The following SHANK2 variants were observed in gnomAD, a reference collection of about 807,000 sequenced individuals.
The protein encoded by SHANK2 is SH3 and multiple ankyrin repeat domains protein 2.
A neutral mutation model predicts 133.7 loss-of-function variants in SHANK2; 43 were observed. That is an observed-to-expected ratio of 0.32 (90% CI 0.25 to 0.41). SHANK2 has a LOEUF of 0.41. SHANK2 is among the 10% of genes least tolerant of loss of function. The probability of loss-of-function intolerance (pLI) is 1.00; values close to 1 mark genes in which losing one functional copy is unlikely to be tolerated. For missense variants in SHANK2, 1,994 were observed against 2,235.8 expected (o/e 0.89, Z 2.18); for synonymous variants, 1,017 against 952.8 (o/e 1.07, Z -1.24).
intron 2 of SHANK2, among the ~76,000 whole-genome samples, chr11:71,209,970 G>T (rs553448234): frequency 6.6e-6 from 1 of 150,922 alleles, no homozygotes; most frequent in South Asian, 2.1e-4. Flanking sequence ...CCGAGGATTC[G>T]ACACAGGACG....
chr11:71,063,290 G>A (rs1384794887), intron 9 of SHANK2, among the ~76,000 whole-genome samples: 6 of 152,092 alleles, frequency 3.9e-5, no homozygotes, highest in Admixed American at 2.6e-4. Flanking sequence ...TCATACCTCC[G>A]ACCCATTACC....
At chr11:70,541,356 G>T (rs1565113237) in intron 17 of SHANK2, among the ~76,000 whole-genome samples, 1 of 152,218 alleles carries the variant, frequency 6.6e-6, no homozygotes, top group Non-Finnish European at 1.5e-5. Context: ...ATAGCCACCG[G>T]CCCCCCACCA....
intron 10 of SHANK2, among the ~76,000 whole-genome samples, chr11:70,918,607 G>A (rs2135751731): frequency 6.6e-6 from 1 of 152,250 alleles, no homozygotes; most frequent in Middle Eastern, 3.4e-3. Context: ...CTGGGTTCAA[G>A]TGATTCTCCG....
At chr11:70,493,481 T>C (rs1482413917) in intron 21 of SHANK2, among the ~76,000 whole-genome samples, 5 of 148,384 alleles carry the variant, frequency 3.4e-5, no homozygotes, top group Non-Finnish European at 7.5e-5. Flanking sequence ...TTTTTTTTTT[T>C]ACTTGAAAAC....
At chr11:70,656,218 T>C (rs1473958919) in intron 17 of SHANK2, among the ~76,000 whole-genome samples, 4 of 152,216 alleles carry the variant, frequency 2.6e-5, no homozygotes, top group Non-Finnish European at 5.9e-5. Context: ...CAAACTCTTA[T>C]GGCAGGCTCA....
chr11:70,551,510 C>T (rs1323243259), intron 17 of SHANK2, among the ~76,000 whole-genome samples: 4 of 152,348 alleles, frequency 2.6e-5, no homozygotes, highest in Admixed American at 1.3e-4. Flanking sequence ...GTTATCTACC[C>T]CCGGCCTCGG....
At chr11:70,584,485 C>T (rs554998569) in intron 17 of SHANK2, among the ~76,000 whole-genome samples, 5 of 152,232 alleles carry the variant, frequency 3.3e-5, no homozygotes, top group African/African-American at 7.2e-5. Flanking sequence ...CTCCTCTATC[C>T]GGGTCCCATG....
chr11:70,913,411 G>C (rs969505904), intron 10 of SHANK2, among the ~76,000 whole-genome samples: 1 of 151,610 alleles, frequency 6.6e-6, no homozygotes, highest in Non-Finnish European at 1.5e-5. Context: ...CAATTCCTCC[G>C]GGAACAAAAA....
At chr11:70,815,809 ACT>A (rs1422170587) in intron 12 of SHANK2, among the ~76,000 whole-genome samples, 5 of 152,142 alleles carry the variant, frequency 3.3e-5, no homozygotes, top group African/African-American at 1.2e-4. Flanking sequence ...TTCTGACCAC[ACT>A]GCCACGCCCA....
chr11:70,836,721 C>T (rs1948823722), intron 11 of SHANK2, among the ~76,000 whole-genome samples: 1 of 152,234 alleles, frequency 6.6e-6, no homozygotes, highest in South Asian at 2.1e-4. Context: ...CTAGGCCCAC[C>T]CAGCAGCTCC....
At chr11:71,094,169 G>T (rs1322387781) in intron 7 of SHANK2, among the ~76,000 whole-genome samples, 1 of 152,106 alleles carries the variant, frequency 6.6e-6, no homozygotes, top group Non-Finnish European at 1.5e-5. Flanking sequence ...CGGATTCTCA[G>T]GAATGGCTTA....
chr11:71,094,885 A>C (rs984913536), intron 6 of SHANK2, among the ~76,000 whole-genome samples, 197 bp from the exon 7 acceptor site: 16 of 152,238 alleles, frequency 1.1e-4, no homozygotes, highest in Admixed American at 4.6e-4. Context: ...CGATGCAGTG[A>C]CACGCAGGGC....
rs958064174 is a variant in SHANK2, at chr11:71,215,410, G to C, written c.-13+9287C>G. 2.6e-5 allele frequency among the ~76,000 whole-genome samples: 4 copies of C among 152,156 alleles called. No individual in the cohort carries two copies. In the South Asian group the frequency reaches 8.3e-4, roughly 32 times the overall value. On this transcript the variant is annotated intron_variant, in intron 2 of 25. Transcript: ENST00000601538. The stretch of plus-strand genomic sequence containing the variant: ...TCCCATGAAGCCTTCAGCAGGTTCT[G>C]CCCTGGTCACCCCTGGCTGCCCATC...
At chr11:70,475,700 TG>T (rs1323438058) in intron 25 of SHANK2, among the ~76,000 whole-genome samples, 1 of 152,202 alleles carries the variant, frequency 6.6e-6, no homozygotes, top group Non-Finnish European at 1.5e-5. Context: ...GTGGGTGCAC[TG>T]CTGGGCCAGG....
intron 8 of SHANK2, among the ~76,000 whole-genome samples, chr11:71,091,517 C>A (rs1951519369): frequency 6.6e-6 from 1 of 152,102 alleles, no homozygotes; most frequent in African/African-American, 2.4e-5. Context: ...CAGTCAGGGC[C>A]CTCTGTCCTT....
chr11:71,093,351 GC>G (rs1951551907), intron 7 of SHANK2, among the ~76,000 whole-genome samples: 1 of 152,168 alleles, frequency 6.6e-6, no homozygotes, highest in Admixed American at 6.5e-5. Flanking sequence ...CTTCAAGAAT[GC>G]TCCTGATTTC....
chr11:70,617,119 CTG>C (rs1348682281), intron 17 of SHANK2, among the ~76,000 whole-genome samples: 6 of 151,158 alleles, frequency 4.0e-5, no homozygotes, highest in East Asian at 3.9e-4. Flanking sequence ...GTGAGTGTGA[CTG>C]AGAGTATGCT....
chr11:70,487,544 A>T lies in SHANK2; in HGVS notation c.2749T>A (p.Tyr917Asn), dbSNP rs1555154549. 1 of 1,613,466 alleles carries T rather than the reference A, an allele frequency of 6.2e-7. No homozygotes were observed. The highest frequency in any genetic ancestry group is 1.7e-5 in the Admixed American group (1 of 59,960). The part of the protein sequence containing the change: ...NCPKSPTPRV[Y>N]GTIKPAFNQN... Reference sequence around the variant, plus strand: ...TTGAACGCAGGCTTAATCGTCCCGTAGACTCTTGGAGTTGGGGACTTGGGG... The same window carrying T: ...TTGAACGCAGGCTTAATCGTCCCGTTGACTCTTGGAGTTGGGGACTTGGGG... Residue 917 changes from tyrosine (Y) to asparagine (N), a missense_variant, in exon 25 of 26, where the codon TAC becomes AAC. Around this residue, in one of 5 missense-constraint regions of SHANK2, gnomAD observed 488 missense variants for 642.6 expected, o/e 0.76. Transcript: ENST00000601538. The surrounding 1 kb of genome is among the most constrained non-coding windows in gnomAD (Gnocchi z 5.8).
At position 70,601,069 on chromosome 11, in the gene SHANK2, T is replaced by TATATCTATATCTATATC. The variant is rs1565167910; in HGVS notation, c.2061+58758_2061+58759insGATATAGATATAGATAT. 2.7e-3 allele frequency among the ~76,000 whole-genome samples: 358 copies of TATATCTATATCTATATC among 134,856 alleles called. 2 individuals carry two copies. The highest frequency in any genetic ancestry group is 7.3e-3 in the East Asian group (30 of 4,110). 88.5% of individuals were successfully genotyped at this position (134,856 alleles called of 152,430 possible). Reference sequence around the variant, plus strand: ...TCTATATCTATATCTATATCTATATTTGAGATGGAGTCTTGCTCTGATGCC... The same window carrying TATATCTATATCTATATC: ...TCTATATCTATATCTATATCTATATTATATCTATATCTATATCTGAGATGGAGTCTTGCTCTGATGCC... On this transcript the variant is annotated intron_variant, in intron 17 of 25. Coordinates refer to ENST00000601538, the MANE Select transcript of SHANK2 (RefSeq NM_012309.5).
Sources: allele counts gnomAD v4.1 joint callset (sites outside exome capture counted in the v4.1 genomes callset), GRCh38; gene constraint gnomAD v4.1.1; regional missense constraint gnomAD v4.1.1; non-coding constraint Gnocchi (gnomAD v3.1); transcripts MANE v1.5; gene names NCBI Gene and HGNC (gene_info 2026-07-23, HGNC 2026-07-21).